SPATA9: variants seen among roughly 807,000 people sequenced by gnomAD.
SPATA9 encodes spermatogenesis-associated protein 9.
A neutral mutation model predicts 25.5 loss-of-function variants in SPATA9; 27 were observed. The observed-to-expected ratio is 1.06, with a 90% CI of 0.78 to 1.46. The LOEUF is 1.46. SPATA9 is among the 40% of genes most tolerant of loss of function. The pLI is 0.00. For missense variants in SPATA9, 282 were observed against 297.5 expected (o/e 0.95, Z 0.38); for synonymous variants, 102 against 105.7 (o/e 0.97, Z 0.21).
chr5:95,652,766 A>AC (rs1750431326), downstream of SPATA9: 1 of 274,930 alleles, frequency 3.6e-6, no homozygotes, highest in Non-Finnish European at 6.8e-6. Flanking sequence ...TGTAGCTACT[A>AC]CTGCTACTGT....
chr5:95,686,284 T>A (rs1313401457), upstream of SPATA9, among the ~76,000 whole-genome samples: 1 of 152,140 alleles, frequency 6.6e-6, no homozygotes, highest in Non-Finnish European at 1.5e-5. Flanking sequence ...GTTCATTACG[T>A]TTGTAAGATG....
chr5:95,731,584 G>T, the SPATA9 span: 1 of 1,565,346 alleles, frequency 6.4e-7, no homozygotes, highest in African/African-American at 1.4e-5. Flanking sequence ...CGCGGCCGGG[G>T]ATGAGCGGAT....
At chr5:95,678,339 T>G (rs1753133350) in intron 2 of SPATA9, among the ~76,000 whole-genome samples, 1 of 152,178 alleles carries the variant, frequency 6.6e-6, no homozygotes, top group Non-Finnish European at 1.5e-5. Context: ...ATTGCGCTAT[T>G]GTCCTTCATC....
chr5:95,732,024 C>T, the SPATA9 span: 15 of 1,614,192 alleles, frequency 9.3e-6, no homozygotes, highest in East Asian at 2.2e-5. Flanking sequence ...CGGTGTTCAC[C>T]GAGTATCAGG....
At chr5:95,700,225 T>A (rs1453607981), upstream of SPATA9, among the ~76,000 whole-genome samples, 2 of 152,206 alleles carry the variant, frequency 1.3e-5, no homozygotes, top group African/African-American at 2.4e-5. Context: ...ATCTATATTT[T>A]AAAATTTTTA....
chr5:95,729,571 T>C, the SPATA9 span, among the ~76,000 whole-genome samples: 13 of 152,378 alleles, frequency 8.5e-5, no homozygotes, highest in African/African-American at 2.9e-4. Flanking sequence ...CGTTCAGTTC[T>C]ATAGTTCAGT....
upstream of SPATA9, among the ~76,000 whole-genome samples, chr5:95,703,680 AG>A (rs1295340777): frequency 6.6e-6 from 1 of 152,158 alleles, no homozygotes; most frequent in Non-Finnish European, 1.5e-5. Context: ...AATATCTGGA[AG>A]GATATATATC....
At chr5:95,685,925 C>T (rs7733834), upstream of SPATA9, among the ~76,000 whole-genome samples, 7,773 of 152,224 alleles carry the variant, frequency 0.051, 276 homozygotes, top group African/African-American at 0.098. Context: ...CAACCTTTGC[C>T]TCCCGGGTTC....
intron 3 of SPATA9, among the ~76,000 whole-genome samples, chr5:95,666,764 C>G (rs547544056): frequency 1.3e-5 from 2 of 152,254 alleles, no homozygotes; most frequent in South Asian, 4.1e-4. Flanking sequence ...GTGCTGCTTA[C>G]CAAGATGTGT....
At chr5:95,715,535 C>T in the SPATA9 span, among the ~76,000 whole-genome samples, 39 of 152,142 alleles carry the variant, frequency 2.6e-4, 1 homozygote, top group East Asian at 6.9e-3. Flanking sequence ...ATAGAATATC[C>T]ATGTGGAGAA....
Position 95,658,739 on chromosome 5 carries a change from G to T in SPATA9, c.649C>A (p.Pro217Thr), listed in dbSNP as rs772172597. The change falls in exon 5 of 5, where the codon CCG (proline) becomes ACG (threonine). Residue 217 changes from proline to threonine, a missense_variant. Transcript: ENST00000274432. ...EIKAKPYRSL[P>T]EKPDISDYPK... ...TAATCTGAAATGTCTGGCTTCTCCGGCAATGACCTATAAGGTTTTGCTTTG... is the reference window on the plus strand; with the variant it reads ...TAATCTGAAATGTCTGGCTTCTCCGTCAATGACCTATAAGGTTTTGCTTTG... The T allele has an allele frequency of 1.2e-6, 2 of 1,613,730 alleles. No homozygotes were observed. The highest frequency in any genetic ancestry group is 2.2e-5 in the South Asian group (2 of 91,070).
intron 3 of SPATA9, among the ~76,000 whole-genome samples, chr5:95,667,631 C>CT (rs1246202451): frequency 1.3e-5 from 2 of 152,072 alleles, no homozygotes; most frequent in Non-Finnish European, 2.9e-5. Context: ...GATATACCTC[C>CT]TAGCAGAGTG....
At chr5:95,708,058 G>A in the SPATA9 span, among the ~76,000 whole-genome samples, 1 of 145,308 alleles carries the variant, frequency 6.9e-6, no homozygotes, top group Non-Finnish European at 1.5e-5. Context: ...GTATGATGAG[G>A]AGAGGTCCAG....
At chr5:95,673,080 AT>A (rs1752559127) in intron 3 of SPATA9, among the ~76,000 whole-genome samples, 1 of 152,082 alleles carries the variant, frequency 6.6e-6, no homozygotes, top group African/African-American at 2.4e-5. Flanking sequence ...AGGGTAATGA[AT>A]AATTAATCTC....
upstream of SPATA9, among the ~76,000 whole-genome samples, chr5:95,699,697 T>C (rs1341321335): frequency 6.6e-6 from 1 of 152,140 alleles, no homozygotes; most frequent in Non-Finnish European, 1.5e-5. Context: ...CTTAGTTGGA[T>C]TGGAAAATAG....
intron 1 of SPATA9, among the ~76,000 whole-genome samples, chr5:95,690,362 A>G (rs1440015004): frequency 6.6e-6 from 1 of 152,208 alleles, no homozygotes; most frequent in Non-Finnish European, 1.5e-5. Flanking sequence ...TCTGGGCTTT[A>G]ATACCATTTG....
At chr5:95,664,081 A>G (rs1751533600) in intron 3 of SPATA9, 33 bp from the exon 4 acceptor site, 1 of 1,318,520 alleles carries the variant, frequency 7.6e-7, no homozygotes, top group African/African-American at 1.5e-5. Context: ...CTTAATAAAC[A>G]AACATTTTCA....
chr5:95,729,377 T>C, the SPATA9 span, among the ~76,000 whole-genome samples: 1 of 152,168 alleles, frequency 6.6e-6, no homozygotes, highest in African/African-American at 2.4e-5. Flanking sequence ...ATTGAGTAAC[T>C]AAGGAAAAAA....
At chr5:95,706,696 A>G in the SPATA9 span, among the ~76,000 whole-genome samples, 2 of 143,716 alleles carry the variant, frequency 1.4e-5, no homozygotes, top group African/African-American at 5.1e-5. Context: ...GTAAATTCTT[A>G]AATTATAATT....
Sources: allele counts gnomAD v4.1 joint callset (sites outside exome capture counted in the v4.1 genomes callset), GRCh38; gene constraint gnomAD v4.1.1; transcripts MANE v1.5; gene names NCBI Gene and HGNC (gene_info 2026-07-23, HGNC 2026-07-21).